HTR7: variants seen among roughly 807,000 people sequenced by gnomAD.
HTR7 encodes 5-hydroxytryptamine receptor 7, also known as 5-HT-7.
Under a neutral mutation model 34.0 loss-of-function variants are expected in HTR7, and 16 were observed. The ratio of observed to expected loss-of-function variants is 0.47; its 90% CI spans 0.32 to 0.71. The LOEUF (loss-of-function observed/expected upper bound fraction) is 0.71. Among genes scored for constraint, HTR7 ranks in the 30% least tolerant of loss-of-function variants. HTR7 has a pLI of 0.04. For synonymous variants in HTR7, 265 were observed against 260.2 expected, an observed-to-expected ratio of 1.02 and a Z score of -0.18; for missense variants, 504 against 625.5, an observed-to-expected ratio of 0.81 and a Z score of 2.07.
chr10:90,816,438 A>G (rs1394946096), intron 1 of HTR7, among the ~76,000 whole-genome samples: 1 of 152,206 alleles, frequency 6.6e-6, no homozygotes, highest in Non-Finnish European at 1.5e-5. Flanking sequence ...GGAAAACTAT[A>G]ACACAATTAT....
rs548445498 is a variant in HTR7 at position 90,769,957 on chromosome 10, C to A, written c.540-20363G>T. On this transcript the variant is annotated intron_variant, in intron 1 of 3. Transcript: ENST00000336152. ...TCACGCTGGCTGCAGCAAGGAGGTG[C>A]GAGTGGTGGCAGCAGGAGCCGCTGC... Among the ~76,000 whole-genome samples, 81 of 152,376 alleles carry A rather than the reference C, an allele frequency of 5.3e-4. 1 individual carries two copies. The highest frequency in any genetic ancestry group is 1.9e-3 in the African/African-American group (77 of 41,594).
intron 1 of HTR7, among the ~76,000 whole-genome samples, chr10:90,848,921 G>C (rs892314829): frequency 5.3e-5 from 8 of 152,190 alleles, no homozygotes; most frequent in Non-Finnish European, 7.3e-5. Context: ...CTTGGGGTAA[G>C]GTTTCTGATT....
chr10:90,761,852 T>G (rs1457192225), intron 1 of HTR7, among the ~76,000 whole-genome samples: 3 of 152,210 alleles, frequency 2.0e-5, no homozygotes, highest in Non-Finnish European at 4.4e-5. Flanking sequence ...GTTTGACTTT[T>G]TAGATTCCAC....
At chr10:90,831,067 T>C (rs925931251) in intron 1 of HTR7, among the ~76,000 whole-genome samples, 1 of 151,686 alleles carries the variant, frequency 6.6e-6, no homozygotes, top group African/African-American at 2.4e-5. Context: ...ACATAATCTC[T>C]AAAATTCTGT....
chr10:90,828,134 A>C (rs1280176825), intron 1 of HTR7, among the ~76,000 whole-genome samples: 1 of 152,256 alleles, frequency 6.6e-6, no homozygotes, highest in Non-Finnish European at 1.5e-5. Flanking sequence ...GAAGAAATTA[A>C]GAAGCAAATC....
intron 1 of HTR7, among the ~76,000 whole-genome samples, chr10:90,826,649 TGTTAA>T (rs1205859875): frequency 6.6e-6 from 1 of 152,150 alleles, no homozygotes; most frequent in African/African-American, 2.4e-5. Flanking sequence ...ATGCAATCAG[TGTTAA>T]GTTGTCATAA....
chr10:90,810,679 C>T (rs1003703052), intron 1 of HTR7, among the ~76,000 whole-genome samples: 9 of 152,256 alleles, frequency 5.9e-5, no homozygotes, highest in East Asian at 3.9e-4. Flanking sequence ...ATCTCAAACA[C>T]GCTTTCTTTA....
At chr10:90,789,906 GT>G (rs925862263) in intron 1 of HTR7, among the ~76,000 whole-genome samples, 8 of 152,092 alleles carry the variant, frequency 5.3e-5, no homozygotes, top group African/African-American at 1.9e-4. Flanking sequence ...ACCATCCTGG[GT>G]TTGTTATGAG....
At chr10:90,824,474 T>A (rs1263582962) in intron 1 of HTR7, among the ~76,000 whole-genome samples, 1 of 152,188 alleles carries the variant, frequency 6.6e-6, no homozygotes, top group Non-Finnish European at 1.5e-5. Context: ...GGGGAGGGAT[T>A]CCTTCTTGGG....
At chr10:90,799,571 C>T (rs1418294562) in intron 1 of HTR7, among the ~76,000 whole-genome samples, 2 of 152,108 alleles carry the variant, frequency 1.3e-5, no homozygotes, top group Admixed American at 6.5e-5. Flanking sequence ...CTAGGACTCC[C>T]CGCAAATCAT....
chr10:90,853,103 T>C (rs1410683923), intron 1 of HTR7, among the ~76,000 whole-genome samples: 1 of 152,098 alleles, frequency 6.6e-6, no homozygotes, highest in East Asian at 1.9e-4. Context: ...GTGATATATA[T>C]ACTACTGATT....
intron 1 of HTR7, among the ~76,000 whole-genome samples, chr10:90,825,284 C>CTGCAGGCTTATACCTCTAT (rs1564695076): frequency 5.9e-5 from 9 of 152,060 alleles, no homozygotes; most frequent in African/African-American, 2.2e-4. Flanking sequence ...TATACCTCTA[C>CTGCAGGCTTATACCTCTAT]AAGGCTGCCG....
intron 1 of HTR7, among the ~76,000 whole-genome samples, chr10:90,843,251 C>T (rs757351231): frequency 6.6e-6 from 1 of 151,870 alleles, no homozygotes; most frequent in Non-Finnish European, 1.5e-5. Flanking sequence ...CTACCAAGTA[C>T]AAAGTACTAT....
At chr10:90,804,528 C>G (rs1845674211) in intron 1 of HTR7, among the ~76,000 whole-genome samples, 1 of 152,200 alleles carries the variant, frequency 6.6e-6, no homozygotes, top group Non-Finnish European at 1.5e-5. Flanking sequence ...ACCTGCTCAC[C>G]TGCATGCTCC....
chr10:90,849,929 G>A (rs1375668102), intron 1 of HTR7, among the ~76,000 whole-genome samples: 1 of 152,206 alleles, frequency 6.6e-6, no homozygotes, highest in African/African-American at 2.4e-5. Context: ...CAGAAGCACA[G>A]GGAGGCAAGC....
chr10:90,763,633 C>G (rs1446872950), intron 1 of HTR7, among the ~76,000 whole-genome samples: 1 of 152,184 alleles, frequency 6.6e-6, no homozygotes, highest in African/African-American at 2.4e-5. Context: ...CATCCCCCAA[C>G]AGGCTCCAGT....
At chr10:90,762,295 T>G (rs181963930) in intron 1 of HTR7, among the ~76,000 whole-genome samples, 223 of 152,274 alleles carry the variant, frequency 1.5e-3, no homozygotes, top group African/African-American at 5.1e-3. Context: ...TCACGAACAC[T>G]CGTTATTTCT....
intron 1 of HTR7, among the ~76,000 whole-genome samples, chr10:90,825,015 G>A (rs10881836): frequency 0.62 from 94,185 of 152,158 alleles, 30,953 homozygotes; most frequent in African/African-American, 0.87. Context: ...AGTGGTTACA[G>A]TGGGCCTTGG....
chr10:90,783,636 G>T (rs1336664126), intron 1 of HTR7, among the ~76,000 whole-genome samples: 1 of 152,066 alleles, frequency 6.6e-6, no homozygotes, highest in African/African-American at 2.4e-5. Flanking sequence ...TTTAGAGATA[G>T]GCTTTTTAGA....
Sources: allele counts gnomAD v4.1 joint callset (sites outside exome capture counted in the v4.1 genomes callset), GRCh38; gene constraint gnomAD v4.1.1; transcripts MANE v1.5; gene names NCBI Gene and HGNC (gene_info 2026-07-23, HGNC 2026-07-21).